The following BTRC variants were observed in gnomAD, a reference collection of about 807,000 sequenced individuals.
The protein encoded by BTRC is beta-transducin repeat containing E3 ubiquitin protein ligase.
Under a neutral mutation model 85.5 loss-of-function variants are expected in BTRC, and 42 were observed. The observed-to-expected ratio is 0.49, with a 90% CI of 0.38 to 0.64. The LOEUF is 0.64. BTRC is among the 30% of genes least tolerant of loss of function. The pLI is 0.00. For synonymous variants in BTRC, 255 were observed against 263.3 expected (o/e 0.97, Z 0.30); for missense variants, 594 against 743.5 (o/e 0.80, Z 2.34).
intron 1 of BTRC, among the ~76,000 whole-genome samples, chr10:101,389,610 C>CTTTTTTTTTTTTT (rs34480405): frequency 1.6e-5 from 1 of 62,520 alleles, no homozygotes; most frequent in African/African-American, 6.6e-5. Flanking sequence ...TGCCAAACAC[C>CTTTTTTTTTTTTT]TTTTTTTTTT....
rs2134065530 is a variant in BTRC at position 101,425,369 on chromosome 10, A to G, written c.49-4976A>G. On this transcript the variant is annotated intron_variant, in intron 1 of 14. Transcript: ENST00000370187. ...AGTTGGATAACAACAATTATAATAC[A>G]TTGTTATACTCTTCAACTTTCTTTG... Among the ~76,000 whole-genome samples the G allele has an allele frequency of 3.3e-5, 5 of 152,264 alleles. No individual in the cohort carries two copies. The South Asian group carries it at 1.0e-3, about 32-fold the overall frequency.
chr10:101,463,816 G>A (rs1266508623), intron 3 of BTRC, among the ~76,000 whole-genome samples: 1 of 152,066 alleles, frequency 6.6e-6, no homozygotes, highest in African/African-American at 2.4e-5. Flanking sequence ...ATAGTGTTTA[G>A]AGGGAAAGTA....
intron 1 of BTRC, among the ~76,000 whole-genome samples, chr10:101,363,774 C>A (rs950322867): frequency 6.6e-6 from 1 of 152,112 alleles, no homozygotes; most frequent in African/African-American, 2.4e-5. Flanking sequence ...TGACAGATAT[C>A]TCTCTGAGGT....
chr10:101,363,652 A>G (rs1348172072), intron 1 of BTRC, among the ~76,000 whole-genome samples: 2 of 152,010 alleles, frequency 1.3e-5, no homozygotes, highest in Non-Finnish European at 2.9e-5. Context: ...TAGTGCTGGG[A>G]TTACAGGTGT....
chr10:101,515,913 A>C (rs1417361592), intron 4 of BTRC, among the ~76,000 whole-genome samples: 2 of 152,194 alleles, frequency 1.3e-5, no homozygotes, highest in Non-Finnish European at 2.9e-5. Context: ...TAATAGGTGT[A>C]GGAGTCACTC....
At chr10:101,526,485 T>C (rs892596774) in intron 6 of BTRC, among the ~76,000 whole-genome samples, 8 of 152,220 alleles carry the variant, frequency 5.3e-5, no homozygotes, top group Admixed American at 5.2e-4. Context: ...TGGGCAGAAG[T>C]TGGTATCCTG....
At chr10:101,519,579 G>A (rs1004406600) in intron 4 of BTRC, among the ~76,000 whole-genome samples, 2 of 152,202 alleles carry the variant, frequency 1.3e-5, no homozygotes, top group Non-Finnish European at 2.9e-5. Flanking sequence ...GATTAGGTCA[G>A]ATCCACCTGA....
At chr10:101,497,326 A>G (rs1946287359) in intron 4 of BTRC, among the ~76,000 whole-genome samples, 1 of 152,234 alleles carries the variant, frequency 6.6e-6, no homozygotes, top group South Asian at 2.1e-4. Flanking sequence ...TAGAATCGCC[A>G]ATATTTACCA....
intron 1 of BTRC, among the ~76,000 whole-genome samples, chr10:101,371,857 G>C (rs1360763683): frequency 6.6e-6 from 1 of 151,850 alleles, no homozygotes; most frequent in East Asian, 1.9e-4. Flanking sequence ...CTCCATGCCA[G>C]ACAGGTAATG....
intron 4 of BTRC, among the ~76,000 whole-genome samples, chr10:101,520,072 C>G (rs2062081038): frequency 6.6e-6 from 1 of 152,102 alleles, no homozygotes; most frequent in South Asian, 2.1e-4. Flanking sequence ...TTTTTCCTGT[C>G]CCCTTATCCT....
chr10:101,458,947 C>T (rs1414738179), intron 2 of BTRC, among the ~76,000 whole-genome samples: 1 of 152,160 alleles, frequency 6.6e-6, no homozygotes, highest in East Asian at 1.9e-4. Context: ...CAAACTTTCA[C>T]TCACTTATTG....
intron 1 of BTRC, among the ~76,000 whole-genome samples, chr10:101,385,679 G>T (rs1266179436): frequency 9.5e-5 from 4 of 41,888 alleles, no homozygotes; most frequent in East Asian, 9.9e-4. Context: ...ACCTTTTTTT[G>T]GTTATGGACT....
intron 1 of BTRC, among the ~76,000 whole-genome samples, chr10:101,366,939 T>TATATATATTA (rs1942442201): frequency 2.5e-4 from 2 of 7,854 alleles, no homozygotes; most frequent in African/African-American, 9.0e-4. Context: ...TATATATATT[T>TATATATATTA]ATATATATTT....
chr10:101,482,588 G>C (rs1391616972), intron 4 of BTRC, among the ~76,000 whole-genome samples: 3 of 151,346 alleles, frequency 2.0e-5, no homozygotes, highest in Non-Finnish European at 2.9e-5. Flanking sequence ...GTAGAGACGG[G>C]GTTTCACCGC....
At position 101,550,018 on chromosome 10, in the gene BTRC, A is replaced by G. The variant is rs1237151558; in HGVS notation, c.1657-681A>G. On this transcript the variant is annotated intron_variant, in intron 13 of 14. Coordinates refer to ENST00000370187, the MANE Select transcript of BTRC (RefSeq NM_033637.4). ...AAGTAGCAAAGTTTGGTTGATAAAC[A>G]TTTATCAGCATACTGCTTCTTATTG... Among the ~76,000 whole-genome samples the G allele has an allele frequency of 2.6e-5, 4 of 152,190 alleles. No homozygotes were observed. In the East Asian group the frequency reaches 7.7e-4, roughly 29 times the overall value.
chr10:101,389,130 T>G lies in BTRC; in HGVS notation c.48+34902T>G, dbSNP rs1299146611. On this transcript the variant is annotated intron_variant, in intron 1 of 14. Coordinates refer to ENST00000370187, the MANE Select transcript of BTRC (RefSeq NM_033637.4). ...GATTTTTTGTGTGTGTTTTTTTTTT[T>G]TTTTTTTTTTTTTTTTTTGCTGATC... is the stretch of plus-strand genomic sequence containing the variant. 2.4e-4 allele frequency among the ~76,000 whole-genome samples: 33 copies of G among 136,576 alleles called. 1 individual carries two copies. The highest frequency in any genetic ancestry group is 4.9e-4 in the South Asian group (2 of 4,058). 89.6% of individuals were successfully genotyped at this position (136,576 alleles called of 152,430 possible).
intron 1 of BTRC, among the ~76,000 whole-genome samples, chr10:101,420,568 A>C (rs1432692793): frequency 6.6e-6 from 1 of 152,012 alleles, no homozygotes; most frequent in African/African-American, 2.4e-5. Context: ...CACTGCTGTT[A>C]CAGTTCCTAC....
chr10:101,434,549 CA>C (rs538885046), intron 2 of BTRC, among the ~76,000 whole-genome samples: 1 of 151,954 alleles, frequency 6.6e-6, no homozygotes, highest in African/African-American at 2.4e-5. Flanking sequence ...AGCTAAGATA[CA>C]AAAAATATGA....
At chr10:101,444,325 G>C (rs1406519140) in intron 2 of BTRC, among the ~76,000 whole-genome samples, 1 of 152,188 alleles carries the variant, frequency 6.6e-6, no homozygotes, top group African/African-American at 2.4e-5. Context: ...AGAACTGGTA[G>C]TTCCCACTGG....
Sources: allele counts gnomAD v4.1 joint callset (sites outside exome capture counted in the v4.1 genomes callset), GRCh38; gene constraint gnomAD v4.1.1; transcripts MANE v1.5; gene names NCBI Gene and HGNC (gene_info 2026-07-23, HGNC 2026-07-21).